Variants in ANK3 observed in about 807,000 individuals in gnomAD.
ANK3 encodes ankyrin-3.
A neutral mutation model predicts 370.9 loss-of-function variants in ANK3; 57 were observed. The ratio of observed to expected loss-of-function variants is 0.15; its 90% CI spans 0.12 to 0.19. ANK3 has a LOEUF of 0.19. Among genes scored for constraint, ANK3 ranks in the 10% least tolerant of loss-of-function variants. The probability of loss-of-function intolerance (pLI) is 1.00; values close to 1 mark genes in which losing one functional copy is unlikely to be tolerated. For synonymous variants in ANK3, 1,929 were observed against 1,946.3 expected (o/e 0.99, Z 0.23); for missense variants, 4,439 against 5,302.1 (o/e 0.84, Z 5.06).
chr10:60,195,103 G>A (rs118063201), intron 16 of ANK3, among the ~76,000 whole-genome samples: 5 of 152,170 alleles, frequency 3.3e-5, no homozygotes, highest in Non-Finnish European at 5.9e-5. Context: ...AAAGCATAAG[G>A]GAGGCCGGGC....
intron 2 of ANK3, among the ~76,000 whole-genome samples, chr10:60,484,321 T>C (rs1046603326): frequency 6.6e-6 from 1 of 152,128 alleles, no homozygotes; most frequent in Non-Finnish European, 1.5e-5. Context: ...CAGGCACAAA[T>C]CTAGGGTATT....
intron 23 of ANK3, among the ~76,000 whole-genome samples, chr10:60,157,181 G>A (rs1296789835): frequency 6.6e-6 from 1 of 151,818 alleles, no homozygotes; most frequent in African/African-American, 2.4e-5. Context: ...GGGATTACAG[G>A]CACGTGCCAC....
chr10:60,366,139 A>G (rs1254497484), intron 1 of ANK3, among the ~76,000 whole-genome samples: 1 of 151,968 alleles, frequency 6.6e-6, no homozygotes, highest in East Asian at 1.9e-4. Context: ...GAAGTTCGAG[A>G]CCAGCCTGGT....
At chr10:60,395,600 CTTTCTTTCTCTCTTTCGT>C (rs1348393121) in intron 2 of ANK3, among the ~76,000 whole-genome samples, 17 of 122,836 alleles carry the variant, frequency 1.4e-4, no homozygotes, top group African/African-American at 5.9e-4. Context: ...TTCTTTCTTT[CTTTCTTTCTCTCTTTCGT>C]TCTCTCTCTC....
rs754358651 is a variant in ANK3, at chr10:60,069,238, C to A, written c.11643G>T (p.Met3881Ile). 1.1e-5 allele frequency: 17 copies of A among 1,614,112 alleles called. No homozygotes were observed. The highest frequency in any genetic ancestry group is 1.4e-5 in the Non-Finnish European group (17 of 1,179,998). ...SPKDTFPPNH[M>I]SNTKASKMKQ... ...TCATTTTACTTGCTTTAGTGTTTGA[C>A]ATATGGTTCGGTGGGAAGGTATCTT... Residue 3881 changes from methionine to isoleucine, a missense_variant, in exon 37 of 44, where the codon ATG becomes ATT. Around this residue, in one of 13 missense-constraint regions of ANK3, gnomAD observed 496 missense variants for 529.3 expected, o/e 0.94. Coordinates refer to ENST00000280772, the MANE Select transcript of ANK3 (RefSeq NM_020987.5).
chr10:60,388,102 C>A (rs143297679), intron 1 of ANK3, among the ~76,000 whole-genome samples: 189 of 152,254 alleles, frequency 1.2e-3, no homozygotes, highest in Non-Finnish European at 2.1e-3. Context: ...AATTTCATAA[C>A]AACTGTGCTG....
At chr10:60,183,684 C>A (rs1045657956) in intron 17 of ANK3, among the ~76,000 whole-genome samples, 9 of 151,908 alleles carry the variant, frequency 5.9e-5, no homozygotes, top group Non-Finnish European at 1.2e-4. Flanking sequence ...CATGGAGAAA[C>A]CCTGTCTCTA....
At chr10:60,099,257 G>T (rs1039481318) in intron 28 of ANK3, among the ~76,000 whole-genome samples, 1 of 152,116 alleles carries the variant, frequency 6.6e-6, no homozygotes, top group Non-Finnish European at 1.5e-5. Flanking sequence ...CAGCAGGGGG[G>T]GCATATGCCT....
chr10:60,218,105 T>C (rs916091419), intron 8 of ANK3, among the ~76,000 whole-genome samples: 223 of 98,032 alleles, frequency 2.3e-3, no homozygotes, highest in Non-Finnish European at 3.8e-3. Flanking sequence ...TTCTTTTTTT[T>C]TTTTTTTTTT....
chr10:60,071,447 T>C lies in ANK3; in HGVS notation c.9434A>G (p.Gln3145Arg). The change falls in exon 37 of 44, where the codon CAA becomes CGA. Residue 3145 changes from glutamine to arginine, a missense_variant. Transcript: ENST00000280772. Reference protein sequence around the residue: ...TRQQKQPPSPQGSPEDDTLEQ... With the variant: ...TRQQKQPPSPRGSPEDDTLEQ... ...TAGAGTATCATCTTCTGGACTACCTTGGGGAGAAGGAGGTTGCTTTTGCTG... is the reference window on the plus strand; with the variant it reads ...TAGAGTATCATCTTCTGGACTACCTCGGGGAGAAGGAGGTTGCTTTTGCTG... The C allele has an allele frequency of 1.2e-6, 2 of 1,614,104 alleles. No homozygotes were observed. Among genetic ancestry groups the C allele is most frequent in the Non-Finnish European group, 1.7e-6 (2 of 1,179,998 alleles).
chr10:60,502,459 A>G (rs561892362), intron 2 of ANK3, among the ~76,000 whole-genome samples: 1 of 152,364 alleles, frequency 6.6e-6, no homozygotes. Flanking sequence ...CACGAACTAT[A>G]TAATCGTTGC....
At chr10:60,315,785 G>T (rs988323436) in intron 1 of ANK3, among the ~76,000 whole-genome samples, 16 of 152,086 alleles carry the variant, frequency 1.1e-4, no homozygotes, top group African/African-American at 3.9e-4. Context: ...GATTTACTGT[G>T]CCACGAGTGA....
At chr10:60,678,835 G>A (rs944353336) in intron 1 of ANK3, among the ~76,000 whole-genome samples, 3 of 152,134 alleles carry the variant, frequency 2.0e-5, no homozygotes, top group African/African-American at 7.2e-5. Context: ...AGAAAATAAA[G>A]AAATACACCA....
intron 24 of ANK3, among the ~76,000 whole-genome samples, chr10:60,138,102 G>A (rs1443285799): frequency 1.3e-5 from 2 of 151,982 alleles, no homozygotes; most frequent in African/African-American, 2.4e-5. Flanking sequence ...TATCCATACT[G>A]GCCACACCAA....
chr10:60,391,027 C>T (rs1321999388), upstream of ANK3, among the ~76,000 whole-genome samples: 2 of 152,154 alleles, frequency 1.3e-5, no homozygotes, highest in Admixed American at 1.3e-4. Flanking sequence ...CTGCAAACAA[C>T]TTTTACTCAC....
At chr10:60,499,467 G>C (rs1470193344) in intron 2 of ANK3, among the ~76,000 whole-genome samples, 1 of 152,022 alleles carries the variant, frequency 6.6e-6, no homozygotes, top group Non-Finnish European at 1.5e-5. Context: ...TACACAATAG[G>C]TAAAACATTA....
chr10:60,294,234 T>C (rs974895653), intron 1 of ANK3, among the ~76,000 whole-genome samples: 1 of 152,202 alleles, frequency 6.6e-6, no homozygotes, highest in Admixed American at 6.5e-5. Flanking sequence ...CATAACTATT[T>C]TCTTGCAATG....
At chr10:60,211,723 C>G (rs1445762482) in intron 9 of ANK3, among the ~76,000 whole-genome samples, 1 of 151,880 alleles carries the variant, frequency 6.6e-6, no homozygotes, top group African/African-American at 2.4e-5. Flanking sequence ...TCTCAAAAAA[C>G]TATACCGCCT....
chr10:60,679,032 C>T (rs1013557221), intron 1 of ANK3, among the ~76,000 whole-genome samples: 2 of 152,126 alleles, frequency 1.3e-5, no homozygotes, highest in Non-Finnish European at 2.9e-5. Context: ...AGAGAGTGCT[C>T]AGGGTGGAGA....
Sources: allele counts gnomAD v4.1 joint callset (sites outside exome capture counted in the v4.1 genomes callset), GRCh38; gene constraint gnomAD v4.1.1; regional missense constraint gnomAD v4.1.1; transcripts MANE v1.5; gene names NCBI Gene and HGNC (gene_info 2026-07-23, HGNC 2026-07-21).